CAMK1D: variants seen among roughly 807,000 people sequenced by gnomAD.
CAMK1D encodes the protein calcium/calmodulin dependent protein kinase ID, also known as calcium/calmodulin-dependent protein kinase type 1D.
In CAMK1D, 9 loss-of-function variants were observed where a neutral mutation model predicts 47.7. That is an observed-to-expected ratio of 0.19 (90% CI 0.11 to 0.33). CAMK1D has a LOEUF of 0.33. CAMK1D is among the 10% of genes least tolerant of loss of function. The pLI is 1.00. For missense variants in CAMK1D, 291 were observed against 488.7 expected, an observed-to-expected ratio of 0.60 and a Z score of 3.81; for synonymous variants, 184 against 184.9, an observed-to-expected ratio of 0.99 and a Z score of 0.04.
At chr10:12,540,800 G>C (rs538347417) in intron 1 of CAMK1D, among the ~76,000 whole-genome samples, 2 of 152,126 alleles carry the variant, frequency 1.3e-5, no homozygotes, top group Admixed American at 1.3e-4. Context: ...CAGTAAGAAA[G>C]CGTAACTATT....
chr10:12,527,681 T>G (rs1336620002), intron 1 of CAMK1D, among the ~76,000 whole-genome samples: 1 of 152,196 alleles, frequency 6.6e-6, no homozygotes, highest in Non-Finnish European at 1.5e-5. Context: ...CAGTTTTGAC[T>G]TGCTTTTGGA....
In CAMK1D at chr10:12,731,981, C is replaced by T. The variant is rs575500372; in HGVS notation, c.300-28967C>T. On this transcript the variant is annotated intron_variant, in intron 3 of 10. Transcript: ENST00000619168. ...TAGAGATGCTGGGCACGGTGGCTCA[C>T]GCATGTAATCCCAGCACTTTGGGAG... 7.2e-5 allele frequency among the ~76,000 whole-genome samples: 11 copies of T among 152,214 alleles called. No homozygotes were observed. The South Asian group carries it at 1.7e-3, about 23-fold the overall frequency.
intron 3 of CAMK1D, among the ~76,000 whole-genome samples, chr10:12,672,727 G>T (rs1840665338): frequency 6.6e-6 from 1 of 151,940 alleles, no homozygotes; most frequent in Non-Finnish European, 1.5e-5. Context: ...TATATATATA[G>T]TATGAAGTAA....
At chr10:12,818,397 G>C (rs1564585962) in intron 8 of CAMK1D, among the ~76,000 whole-genome samples, 1 of 152,230 alleles carries the variant, frequency 6.6e-6, no homozygotes. Context: ...ATGGCCGGGA[G>C]TGGTGGCTTA....
intron 3 of CAMK1D, among the ~76,000 whole-genome samples, chr10:12,752,038 A>G (rs1170855445): frequency 1.3e-5 from 2 of 151,214 alleles, no homozygotes; most frequent in African/African-American, 2.4e-5. Context: ...CCGGAGTGCA[A>G]TGGCGCAATC....
intron 5 of CAMK1D, among the ~76,000 whole-genome samples, chr10:12,790,303 G>A (rs1837922191): frequency 6.6e-6 from 1 of 152,252 alleles, no homozygotes; most frequent in Non-Finnish European, 1.5e-5. Context: ...CAGGCCTGAA[G>A]CAGGAATTTC....
chr10:12,699,382 G>T (rs1252402938), intron 3 of CAMK1D, among the ~76,000 whole-genome samples: 1 of 152,002 alleles, frequency 6.6e-6, no homozygotes, highest in Non-Finnish European at 1.5e-5. Context: ...GCGTTGTACT[G>T]GGAAAGCCGT....
chr10:12,601,321 G>A (rs1183255535), intron 2 of CAMK1D, among the ~76,000 whole-genome samples: 1 of 151,138 alleles, frequency 6.6e-6, no homozygotes, highest in Non-Finnish European at 1.5e-5. Flanking sequence ...ACTCAGTCTT[G>A]CCTGTATCTT....
At chr10:12,725,753 T>C (rs1321833993) in intron 3 of CAMK1D, among the ~76,000 whole-genome samples, 1 of 152,160 alleles carries the variant, frequency 6.6e-6, no homozygotes, top group Non-Finnish European at 1.5e-5. Flanking sequence ...TACTGAATAA[T>C]ATGGTTTTCT....
At chr10:12,350,963 AGT>A (rs944574208) in intron 1 of CAMK1D, among the ~76,000 whole-genome samples, 1 of 152,194 alleles carries the variant, frequency 6.6e-6, no homozygotes, top group African/African-American at 2.4e-5. Context: ...GGGATAAATC[AGT>A]GCGTTGTTGG....
intron 1 of CAMK1D, among the ~76,000 whole-genome samples, chr10:12,421,799 C>T (rs748002468): frequency 2.7e-5 from 4 of 149,742 alleles, no homozygotes; most frequent in African/African-American, 9.8e-5. Context: ...TTTTTCTATT[C>T]GCTTGGGGGC....
At chr10:12,429,906 T>A (rs1346932854) in intron 1 of CAMK1D, among the ~76,000 whole-genome samples, 1 of 152,086 alleles carries the variant, frequency 6.6e-6, no homozygotes, top group African/African-American at 2.4e-5. Flanking sequence ...GTTAGCATCC[T>A]TTGGACACAT....
rs891391239 is a variant in CAMK1D at position 12,815,828 on chromosome 10, T to G, written c.755-422T>G. On this transcript the variant is annotated intron_variant, in intron 7 of 10. Coordinates refer to ENST00000619168, the MANE Select transcript of CAMK1D (RefSeq NM_153498.4). ...TATCCACAGCACCTAGCCCAGGACC[T>G]GATGGGCTGAGCAGGTGCTCAGTAG... 1.4e-4 allele frequency among the ~76,000 whole-genome samples: 21 copies of G among 152,250 alleles called. No homozygotes were observed. The East Asian group carries it at 3.8e-3, about 28-fold the overall frequency.
At chr10:12,724,735 C>T (rs562911052) in intron 3 of CAMK1D, among the ~76,000 whole-genome samples, 1 of 152,248 alleles carries the variant, frequency 6.6e-6, no homozygotes, top group East Asian at 1.9e-4. Flanking sequence ...TGAAATAAAG[C>T]CCAGCTCAGG....
intron 1 of CAMK1D, among the ~76,000 whole-genome samples, chr10:12,395,704 C>T (rs976838841): frequency 6.6e-6 from 1 of 151,754 alleles, no homozygotes; most frequent in Non-Finnish European, 1.5e-5. Context: ...TACTTGAGGT[C>T]AGGAGTTCGA....
intron 1 of CAMK1D, chr10:12,415,977 G>T (rs1204717041): frequency 4.0e-5 from 6 of 151,746 alleles, no homozygotes; most frequent in Non-Finnish European, 8.8e-5. Flanking sequence ...TATTCCTTTA[G>T]CGCTAGTATT....
rs140303123 is a variant in CAMK1D at position 12,721,090 on chromosome 10, C to T, written c.300-39858C>T. 8.5e-5 allele frequency among the ~76,000 whole-genome samples: 13 copies of T among 152,274 alleles called. No homozygotes were observed. In the East Asian group the frequency reaches 1.9e-3, roughly 23 times the overall value. Reference sequence around the variant, plus strand: ...ATCACAAACTGGCTAAACTGTGCCACGTGATTAGCAAACATGCGCATGCCC... The same window carrying T: ...ATCACAAACTGGCTAAACTGTGCCATGTGATTAGCAAACATGCGCATGCCC... On this transcript the variant is annotated intron_variant, in intron 3 of 10. Coordinates refer to ENST00000619168, the MANE Select transcript of CAMK1D (RefSeq NM_153498.4).
intron 3 of CAMK1D, among the ~76,000 whole-genome samples, chr10:12,703,419 C>G (rs1485990517): frequency 6.6e-6 from 1 of 152,210 alleles, no homozygotes; most frequent in Non-Finnish European, 1.5e-5. Context: ...CATGGGAGTC[C>G]AGTCCCACAG....
chr10:12,536,365 G>A (rs1014334534), intron 1 of CAMK1D, among the ~76,000 whole-genome samples: 5 of 151,960 alleles, frequency 3.3e-5, no homozygotes, highest in African/African-American at 7.3e-5. Flanking sequence ...TGCAGCCTCC[G>A]CCTCCCAGGT....
Sources: allele counts gnomAD v4.1 joint callset (sites outside exome capture counted in the v4.1 genomes callset), GRCh38; gene constraint gnomAD v4.1.1; transcripts MANE v1.5; gene names NCBI Gene and HGNC (gene_info 2026-07-23, HGNC 2026-07-21).